GRB2: variants seen among roughly 807,000 people sequenced by gnomAD.
The protein encoded by GRB2 is growth factor receptor-bound protein 2.
Under a neutral mutation model 27.4 loss-of-function variants are expected in GRB2, and 2 were observed. That is an observed-to-expected ratio of 0.07 (90% CI 0.03 to 0.23). GRB2 has a LOEUF of 0.23. Among genes scored for constraint, GRB2 ranks in the 10% least tolerant of loss-of-function variants. The pLI is 1.00. For missense variants in GRB2, 102 were observed against 282.4 expected (o/e 0.36, Z 4.58); for synonymous variants, 94 against 99.6 (o/e 0.94, Z 0.33).
intron 2 of GRB2, among the ~76,000 whole-genome samples, chr17:75,358,328 A>G (rs918011252): frequency 6.6e-6 from 1 of 152,222 alleles, no homozygotes; most frequent in East Asian, 1.9e-4. Flanking sequence ...CATTTTGACT[A>G]GAGTTTTAAA....
intron 2 of GRB2, among the ~76,000 whole-genome samples, chr17:75,363,311 A>C (rs2078797265): frequency 6.6e-6 from 1 of 152,138 alleles, no homozygotes; most frequent in East Asian, 1.9e-4. Flanking sequence ...CTCTAAAATC[A>C]GTTACAGAGG....
Position 75,320,489 on chromosome 17 carries a change from C to T in GRB2, c.533G>A (p.Arg178His). 2.5e-6 allele frequency: 4 copies of T among 1,613,836 alleles called. No individual in the cohort carries two copies. Among genetic ancestry groups the T allele is most frequent in the African/African-American group, 1.3e-5 (1 of 75,008 alleles). ...DPQEDGELGF[R>H]RGDFIHVMDN... The stretch of plus-strand genomic sequence containing the variant: ...CATGACATGGATAAAATCTCCCCGG[C>T]GGAAGCCCAGCTCTCCATCCTCCTG... The change falls in exon 6 of 6, where the codon CGC (arginine) becomes CAC (histidine). Residue 178 changes from arginine (R) to histidine (H), a missense_variant. Arg to His is a conservative substitution (Grantham distance 29). This residue lies in a region of GRB2 where 57 missense variants were observed against 152.9 expected (regional missense o/e 0.37). Transcript: ENST00000316804. The surrounding 1 kb of genome is among the most constrained non-coding windows in gnomAD (Gnocchi z 4.3).
chr17:75,389,856 A>T (rs113436894), intron 2 of GRB2, among the ~76,000 whole-genome samples: 22 of 152,294 alleles, frequency 1.4e-4, no homozygotes, highest in African/African-American at 2.9e-4. Flanking sequence ...AAAAAATAAA[A>T]AAATAAATAA....
At position 75,319,151 on chromosome 17, in the gene GRB2, C is replaced by T. The variant is rs2078438051; in HGVS notation, c.*1217G>A. On this transcript the variant is annotated 3_prime_UTR_variant, in exon 6 of 6. Coordinates refer to ENST00000316804, the MANE Select transcript of GRB2 (RefSeq NM_002086.5). ...CCTTAAAGCTGGAGCTTAAAGCCTCCTGGCTTAGTACAAGCAGGAGAACGC... is the reference window on the plus strand; with the variant it reads ...CCTTAAAGCTGGAGCTTAAAGCCTCTTGGCTTAGTACAAGCAGGAGAACGC... 1 of 151,468 alleles carries T rather than the reference C, an allele frequency of 6.6e-6. No homozygotes were observed. The highest frequency in any genetic ancestry group is 2.4e-5 in the African/African-American group (1 of 41,074). The allele number at this position is 151,468 out of a possible 1,614,324, so 9.4% of individuals were successfully genotyped here. A position where few individuals can be genotyped will look rare whatever the true frequency, so the allele number is the denominator to read the frequency against.
At chr17:75,323,012 G>A (rs1020663694) in intron 4 of GRB2, among the ~76,000 whole-genome samples, 3 of 151,750 alleles carry the variant, frequency 2.0e-5, no homozygotes, top group African/African-American at 7.3e-5. Context: ...ACAGCTACTC[G>A]GGAGGCTGAG....
At chr17:75,380,260 T>C (rs745414311) in intron 2 of GRB2, among the ~76,000 whole-genome samples, 7 of 152,146 alleles carry the variant, frequency 4.6e-5, no homozygotes, top group Admixed American at 2.6e-4. Context: ...AAAATATTTG[T>C]TGACCTGCAA....
At chr17:75,354,277 G>GGGA (rs1208795584) in intron 2 of GRB2, among the ~76,000 whole-genome samples, 1 of 110,190 alleles carries the variant, frequency 9.1e-6, no homozygotes, top group Admixed American at 1.1e-4. Context: ...GGGGGGGGGG[G>GGGA]AGATGGAGTT....
At position 75,387,449 on chromosome 17, in the gene GRB2, C is replaced by CT. The variant is rs1332941973; in HGVS notation, c.78+6101dup. 1.3e-3 allele frequency: 73 copies of CT among 55,716 alleles called. 1 individual carries two copies. The highest frequency in any genetic ancestry group is 2.9e-3 in the African/African-American group (71 of 24,608). The allele number at this position is 55,716 out of a possible 1,614,324, so 3.5% of individuals were successfully genotyped here. The stretch of plus-strand genomic sequence containing the variant: ...CCTTGGTGACAGGGGGAGACTCTGT[C>CT]TTAAAAAAAAAAAAAAAAAGTCAAT... On this transcript the variant is annotated intron_variant, in intron 2 of 5. Transcript: ENST00000316804.
chr17:75,369,328 C>A (rs1015398446), intron 2 of GRB2, among the ~76,000 whole-genome samples: 6 of 152,136 alleles, frequency 3.9e-5, no homozygotes, highest in Non-Finnish European at 7.4e-5. Context: ...TGATTTTAAG[C>A]TGGAACAGGA....
At chr17:75,365,846 C>T (rs1262809816) in intron 2 of GRB2, among the ~76,000 whole-genome samples, 1 of 152,166 alleles carries the variant, frequency 6.6e-6, no homozygotes, top group Non-Finnish European at 1.5e-5. Flanking sequence ...TCACACTCAG[C>T]ATGCCCAACC....
chr17:75,350,776 A>G (rs2078686854), intron 2 of GRB2, among the ~76,000 whole-genome samples: 2 of 152,244 alleles, frequency 1.3e-5, no homozygotes, highest in East Asian at 1.9e-4. Context: ...ACAGGCGTGA[A>G]GCACCGTGCC....
chr17:75,392,764 A>G (rs12940914), intron 2 of GRB2, among the ~76,000 whole-genome samples: 135,853 of 152,192 alleles, frequency 0.89, 61,502 homozygotes, highest in East Asian at 0.97. Context: ...CATCCAAAAG[A>G]GCAAACTGCT....
chr17:75,373,164 T>C (rs1419166357), intron 2 of GRB2: 1 of 152,108 alleles, frequency 6.6e-6, no homozygotes, highest in African/African-American at 2.4e-5. Flanking sequence ...GGAGAATCGG[T>C]TGAACCCAGG....
chr17:75,393,909 C>CG, intron 1 of GRB2, 144 bp from the exon 2 acceptor site: 1 of 486,998 alleles, frequency 2.1e-6, no homozygotes, highest in Non-Finnish European at 3.6e-6. Flanking sequence ...AACAGCCCCC[C>CG]CCCGCCGACT....
chr17:75,367,073 G>C (rs1470105515), intron 2 of GRB2, among the ~76,000 whole-genome samples: 1 of 152,068 alleles, frequency 6.6e-6, no homozygotes, highest in South Asian at 2.1e-4. Flanking sequence ...CTATTCTTAC[G>C]AGGCACAAAT....
intron 2 of GRB2, among the ~76,000 whole-genome samples, chr17:75,348,199 T>G (rs2078666979): frequency 6.6e-6 from 1 of 152,134 alleles, no homozygotes; most frequent in African/African-American, 2.4e-5. Context: ...TGCCAGCCAC[T>G]ACAGCTGGCT....
chr17:75,353,901 A>G (rs370446778), intron 2 of GRB2, among the ~76,000 whole-genome samples: 9 of 139,676 alleles, frequency 6.4e-5, no homozygotes, highest in African/African-American at 1.6e-4. Context: ...TTAGCCAAGC[A>G]TGGTGGTGCA....
chr17:75,378,607 C>T (rs1342883730), intron 2 of GRB2, among the ~76,000 whole-genome samples: 1 of 152,076 alleles, frequency 6.6e-6, no homozygotes, highest in Non-Finnish European at 1.5e-5. Flanking sequence ...CTACTAAGAA[C>T]TTTAAAGGTA....
intron 2 of GRB2, among the ~76,000 whole-genome samples, chr17:75,359,992 A>G (rs2078768802): frequency 6.6e-6 from 1 of 151,992 alleles, no homozygotes; most frequent in African/African-American, 2.4e-5. Context: ...AAAAAAAAAA[A>G]AAAGACAGAC....
Sources: gnomAD v4.1 joint callset for allele counts (sites outside exome capture counted in the v4.1 genomes callset) on GRCh38, gnomAD v4.1.1 for gene constraint, gnomAD v4.1.1 regional missense constraint, Gnocchi (gnomAD v3.1) non-coding constraint, MANE v1.5 for transcripts, NCBI Gene and HGNC (gene_info 2026-07-23, HGNC 2026-07-21) for gene names.